The following HMCN1 variants were observed in gnomAD, a reference collection of about 807,000 sequenced individuals.
HMCN1 encodes the protein hemicentin-1.
In HMCN1, 321 loss-of-function variants were observed where a neutral mutation model predicts 625.9. The observed-to-expected ratio is 0.51, with a 90% CI of 0.47 to 0.56. The LOEUF (loss-of-function observed/expected upper bound fraction) is 0.56, where lower values mean the gene tolerates loss of function less well. Among genes scored for constraint, HMCN1 ranks in the 20% least tolerant of loss-of-function variants. HMCN1 has a pLI of 0.00. For synonymous variants in HMCN1, 2,425 were observed against 2,417.6 expected, an observed-to-expected ratio of 1.00 and a Z score of -0.09; for missense variants, 6,588 against 6,887.3, an observed-to-expected ratio of 0.96 and a Z score of 1.54.
At chr1:186,092,367 C>A (rs1217132723) in intron 64 of HMCN1, among the ~76,000 whole-genome samples, 6 of 151,478 alleles carry the variant, frequency 4.0e-5, no homozygotes, top group Non-Finnish European at 7.4e-5. Flanking sequence ...CAGCTGTATC[C>A]CAGATAATAA....
At chr1:186,128,055 A>C in intron 82 of HMCN1, 23 bp from the exon 83 acceptor site, 1 of 1,601,022 alleles carries the variant, frequency 6.2e-7, no homozygotes, top group Non-Finnish European at 8.6e-7. Context: ...TGAAATTTTA[A>C]ATGTTACTTT....
intron 97 of HMCN1, among the ~76,000 whole-genome samples, chr1:186,161,656 G>A (rs1233962641): frequency 9.9e-5 from 15 of 151,982 alleles, no homozygotes; most frequent in South Asian, 4.2e-4. Context: ...TCTGTAAAGT[G>A]TTTTATTTCT....
rs558751674 is a variant in HMCN1 at position 186,137,874 on chromosome 1, G to A, written c.13826G>A (p.Arg4609Lys). The A allele has an allele frequency of 6.2e-7, 1 of 1,614,096 alleles. No homozygotes were observed. Among genetic ancestry groups the A allele is most frequent in the South Asian group, 1.1e-5 (1 of 91,086 alleles). The change falls in exon 89 of 107, where the codon AGG becomes AAG. Residue 4609 changes from arginine (R) to lysine (K), a missense_variant. Coordinates refer to ENST00000271588, the MANE Select transcript of HMCN1 (RefSeq NM_031935.3). ...AGCTGTGGACGCGGCAACCAAACCA[G>A]GACCAGGACTTGCAATAATCCATCA... ...TRSCGRGNQTRTRTCNNPSVQ... is the reference protein window; with the variant it reads ...TRSCGRGNQTKTRTCNNPSVQ...
At chr1:186,165,737 A>T (rs1363617965) in intron 98 of HMCN1, among the ~76,000 whole-genome samples, 1 of 152,230 alleles carries the variant, frequency 6.6e-6, no homozygotes, top group Non-Finnish European at 1.5e-5. Flanking sequence ...TGTGATAAAG[A>T]GGTGGTCTTT....
intron 46 of HMCN1, among the ~76,000 whole-genome samples, chr1:186,060,795 A>ATG (rs1395792053): frequency 6.6e-6 from 1 of 152,048 alleles, no homozygotes; most frequent in East Asian, 1.9e-4. Context: ...TAATATATTG[A>ATG]TGTCACCCAA....
At chr1:186,008,326 G>A (rs1653773098) in intron 30 of HMCN1, among the ~76,000 whole-genome samples, 3 of 151,978 alleles carry the variant, frequency 2.0e-5, no homozygotes, top group Admixed American at 1.3e-4. Flanking sequence ...AAACTAAGAT[G>A]CACTGTTATA....
At chr1:186,040,054 T>G (rs1656106652) in intron 39 of HMCN1, among the ~76,000 whole-genome samples, 175 bp downstream of exon 39, 1 of 152,158 alleles carries the variant, frequency 6.6e-6, no homozygotes, top group East Asian at 1.9e-4. Flanking sequence ...CCCAAACAAT[T>G]CATTAAAAGC....
chr1:185,911,518 A>G (rs1190045802), intron 5 of HMCN1, among the ~76,000 whole-genome samples, 156 bp from the exon 6 acceptor site: 1 of 152,194 alleles, frequency 6.6e-6, no homozygotes, highest in African/African-American at 2.4e-5. Flanking sequence ...CAGAAAATAA[A>G]GACTCTTTGG....
At chr1:185,870,508 T>C (rs1352926011) in intron 4 of HMCN1, among the ~76,000 whole-genome samples, 1 of 152,342 alleles carries the variant, frequency 6.6e-6, no homozygotes, top group African/African-American at 2.4e-5. Flanking sequence ...CCTGTTGTAT[T>C]GGTCCGATTC....
At chr1:185,936,245 TATGTCTAA>T (rs1297089970) in intron 11 of HMCN1, among the ~76,000 whole-genome samples, 1 of 152,108 alleles carries the variant, frequency 6.6e-6, no homozygotes, top group African/African-American at 2.4e-5. Flanking sequence ...TAAGATAGTA[TATGTCTAA>T]TATTGCAGCC....
At chr1:186,144,843 A>G (rs754198120) in intron 91 of HMCN1, 140 bp downstream of exon 91, 19 of 985,088 alleles carry the variant, frequency 1.9e-5, no homozygotes, top group Non-Finnish European at 2.3e-5. Context: ...GGTTGCTGTC[A>G]TGTCTGTATA....
chr1:185,867,968 C>T (rs1414730483), intron 4 of HMCN1, among the ~76,000 whole-genome samples: 1 of 151,964 alleles, frequency 6.6e-6, no homozygotes, highest in Non-Finnish European at 1.5e-5. Context: ...ACTCGGGAGG[C>T]TGAGGCAGGA....
Position 186,087,305 on chromosome 1 carries a change from G to C in HMCN1, c.9135G>C (p.Lys3045Asn). Residue 3045 changes from lysine to asparagine, a missense_variant, in exon 59 of 107, where the codon AAG becomes AAC. Lys to Asn is a moderately conservative substitution (Grantham distance 94). Transcript: ENST00000271588. ...CTATCAATCAAGCTGGCGAAAGCAA[G>C]AAAAAGTTTTCCCTGACTGTTTATG... is the stretch of plus-strand genomic sequence containing the variant. ...CIAINQAGES[K>N]KKFSLTVYVP... 1 of 1,613,100 alleles carries C rather than the reference G, an allele frequency of 6.2e-7. No individual in the cohort carries two copies. Among genetic ancestry groups the C allele is most frequent in the Non-Finnish European group, 8.5e-7 (1 of 1,179,330 alleles).
chr1:185,826,478 G>A (rs148511174), intron 1 of HMCN1, among the ~76,000 whole-genome samples: 2 of 152,308 alleles, frequency 1.3e-5, no homozygotes, highest in African/African-American at 4.8e-5. Flanking sequence ...TGCAACAGCT[G>A]TGCAGCTACG....
intron 11 of HMCN1, among the ~76,000 whole-genome samples, chr1:185,940,072 A>T (rs1034893139): frequency 6.6e-6 from 1 of 152,182 alleles, no homozygotes; most frequent in Non-Finnish European, 1.5e-5. Context: ...TAAAAATATG[A>T]CAACAGTTTC....
intron 48 of HMCN1, among the ~76,000 whole-genome samples, chr1:186,063,067 CAT>C (rs775036108): frequency 0.035 from 2,117 of 59,758 alleles, 34 homozygotes; most frequent in Middle Eastern, 0.048. Context: ...TGTGTGTGTG[CAT>C]ATATATATAT....
chr1:185,927,937 T>C (rs748721815), intron 9 of HMCN1, among the ~76,000 whole-genome samples: 3 of 152,142 alleles, frequency 2.0e-5, no homozygotes, highest in Non-Finnish European at 1.5e-5. Context: ...ATAATAAATA[T>C]TTATTAAATG....
chr1:185,901,423 A>C (rs1951512), intron 4 of HMCN1, among the ~76,000 whole-genome samples: 10,800 of 151,676 alleles, frequency 0.071, 1,347 homozygotes, highest in African/African-American at 0.25. Flanking sequence ...GAAATTCACC[A>C]CATGTTATAA....
intron 95 of HMCN1, among the ~76,000 whole-genome samples, chr1:186,152,015 G>T (rs1361945112): frequency 6.6e-6 from 1 of 151,984 alleles, no homozygotes; most frequent in African/African-American, 2.4e-5. Context: ...TAAATCCATA[G>T]AGAGGATATT....
Sources: gnomAD v4.1 joint callset for allele counts (sites outside exome capture counted in the v4.1 genomes callset) on GRCh38, gnomAD v4.1.1 for gene constraint, MANE v1.5 for transcripts, NCBI Gene and HGNC (gene_info 2026-07-23, HGNC 2026-07-21) for gene names.